Variants in NCALD observed in about 807,000 individuals in gnomAD.
The protein encoded by NCALD is neurocalcin delta, also known as neurocalcin-delta.
In NCALD, 10 loss-of-function variants were observed where a neutral mutation model predicts 18.6. That is an observed-to-expected ratio of 0.54 (90% CI 0.33 to 0.91). The LOEUF is 0.91. NCALD is among the 40% of genes least tolerant of loss of function. The pLI is 0.03. For synonymous variants in NCALD, 88 were observed against 87.4 expected (o/e 1.01, Z -0.04); for missense variants, 184 against 247.6 (o/e 0.74, Z 1.72).
At chr8:101,864,420 G>A (rs895367339) in intron 4 of NCALD, among the ~76,000 whole-genome samples, 1 of 152,144 alleles carries the variant, frequency 6.6e-6, no homozygotes, top group Non-Finnish European at 1.5e-5. Flanking sequence ...TGGCTCCATG[G>A]AAAAGTAGAA....
intron 1 of NCALD, among the ~76,000 whole-genome samples, chr8:102,070,783 T>G (rs1399823617): frequency 3.9e-5 from 6 of 152,206 alleles, no homozygotes; most frequent in Non-Finnish European, 7.3e-5. Flanking sequence ...GGGCAGCCAG[T>G]TCACAGTCCC....
At chr8:101,813,262 T>G (rs1421043551) in intron 4 of NCALD, among the ~76,000 whole-genome samples, 1 of 152,024 alleles carries the variant, frequency 6.6e-6, no homozygotes, top group Non-Finnish European at 1.5e-5. Flanking sequence ...GAAAGAGGAA[T>G]GAGCCAGATG....
At chr8:101,997,062 T>C (rs1821265376) in intron 2 of NCALD, among the ~76,000 whole-genome samples, 1 of 152,208 alleles carries the variant, frequency 6.6e-6, no homozygotes, top group African/African-American at 2.4e-5. Flanking sequence ...CTCAGAGTCA[T>C]GACATTCCTT....
At chr8:101,804,127 G>A (rs1449240775) in intron 4 of NCALD, among the ~76,000 whole-genome samples, 1 of 151,752 alleles carries the variant, frequency 6.6e-6, no homozygotes, top group Non-Finnish European at 1.5e-5. Context: ...ACGATCATTA[G>A]TAATTTTTAG....
intron 1 of NCALD, among the ~76,000 whole-genome samples, chr8:101,736,440 A>G (rs565307204): frequency 2.0e-5 from 3 of 152,290 alleles, no homozygotes; most frequent in Non-Finnish European, 2.9e-5. Context: ...CTGCATGCCA[A>G]TTACACTGCT....
intron 4 of NCALD, among the ~76,000 whole-genome samples, chr8:101,874,717 G>A (rs895648712): frequency 2.6e-5 from 4 of 151,840 alleles, no homozygotes; most frequent in East Asian, 1.9e-4. Context: ...TTGTAGAGAC[G>A]AGGTCTTACT....
At chr8:101,862,355 C>G (rs915209238) in intron 4 of NCALD, among the ~76,000 whole-genome samples, 1 of 152,208 alleles carries the variant, frequency 6.6e-6, no homozygotes, top group African/African-American at 2.4e-5. Flanking sequence ...TTTCCCTCAA[C>G]CAAGTTTGAG....
chr8:101,817,151 C>T (rs1264752001), intron 4 of NCALD, among the ~76,000 whole-genome samples: 3 of 152,076 alleles, frequency 2.0e-5, no homozygotes, highest in Non-Finnish European at 4.4e-5. Context: ...GAACCCAAAC[C>T]GAGCCCTTCT....
At chr8:102,103,647 T>C (rs942148388) in intron 1 of NCALD, among the ~76,000 whole-genome samples, 4 of 152,254 alleles carry the variant, frequency 2.6e-5, no homozygotes, top group African/African-American at 9.6e-5. Context: ...CTTGACCTCA[T>C]GGGCTCAAGC....
chr8:101,966,802 T>A (rs1340814501), intron 2 of NCALD, among the ~76,000 whole-genome samples: 1 of 152,120 alleles, frequency 6.6e-6, no homozygotes, highest in African/African-American at 2.4e-5. Context: ...GGTGCAAGGA[T>A]GTTCATCACA....
chr8:102,018,152 T>A (rs998213467), intron 2 of NCALD, among the ~76,000 whole-genome samples: 2 of 152,304 alleles, frequency 1.3e-5, no homozygotes, highest in Middle Eastern at 3.4e-3. Flanking sequence ...AATGGCACAG[T>A]CATTTTGGAA....
At chr8:102,086,625 G>A (rs1320582815) in intron 1 of NCALD, among the ~76,000 whole-genome samples, 1 of 152,158 alleles carries the variant, frequency 6.6e-6, no homozygotes, top group Non-Finnish European at 1.5e-5. Context: ...CTCTATAAGT[G>A]TAATTTTTTC....
chr8:101,797,794 GAT>G (rs1343374753), intron 4 of NCALD, among the ~76,000 whole-genome samples: 2 of 150,934 alleles, frequency 1.3e-5, no homozygotes, highest in Non-Finnish European at 2.9e-5. Context: ...CCAGCCTGGT[GAT>G]ACAGTGAGAC....
At chr8:101,804,328 A>G (rs1309495714) in intron 4 of NCALD, among the ~76,000 whole-genome samples, 1 of 72,844 alleles carries the variant, frequency 1.4e-5, no homozygotes, top group Non-Finnish European at 3.9e-5. Flanking sequence ...TATTATATAT[A>G]ATTATATCAA....
At chr8:101,815,311 C>A (rs1586566092) in intron 4 of NCALD, among the ~76,000 whole-genome samples, 1 of 152,166 alleles carries the variant, frequency 6.6e-6, no homozygotes, top group African/African-American at 2.4e-5. Context: ...AATAGACCCA[C>A]ATAAATACAG....
intron 1 of NCALD, among the ~76,000 whole-genome samples, chr8:101,778,103 C>T (rs565503942): frequency 6.6e-6 from 1 of 152,232 alleles, no homozygotes; most frequent in Admixed American, 6.5e-5. Context: ...AGTAGTTCAT[C>T]CCTAAAAATA....
At position 101,780,690 on chromosome 8, in the gene NCALD, G is replaced by A. The variant is rs141718345; in HGVS notation, c.-20+10172C>T. ...GCGAATGTACTTAGTGAACTGAAAC[G>A]TACACATAAAGATGGCTAAAATGGT... On this transcript the variant is annotated intron_variant, in intron 1 of 3. Transcript: ENST00000220931. Among the ~76,000 whole-genome samples the A allele has an allele frequency of 1.7e-3, 257 of 152,138 alleles. 1 individual carries two copies. Among genetic ancestry groups the A allele is most frequent in the African/African-American group, 5.9e-3 (243 of 41,536 alleles).
chr8:101,925,395 T>A (rs753529876), intron 2 of NCALD, among the ~76,000 whole-genome samples: 1 of 151,312 alleles, frequency 6.6e-6, no homozygotes, highest in African/African-American at 2.4e-5. Flanking sequence ...CAGCTAGTGA[T>A]TTATGGCAGA....
intron 1 of NCALD, among the ~76,000 whole-genome samples, chr8:102,046,283 C>G (rs1227794456): frequency 6.6e-6 from 1 of 152,148 alleles, no homozygotes; most frequent in African/African-American, 2.4e-5. Context: ...TTTACCATAT[C>G]TCACAATTCC....
Sources: allele counts gnomAD v4.1 joint callset (sites outside exome capture counted in the v4.1 genomes callset), GRCh38; gene constraint gnomAD v4.1.1; transcripts MANE v1.5; gene names NCBI Gene and HGNC (gene_info 2026-07-23, HGNC 2026-07-21).